Variants in LARGE1 observed in about 807,000 individuals in gnomAD.
The protein encoded by LARGE1 is LARGE xylosyl- and glucuronyltransferase 1.
In LARGE1, 43 loss-of-function variants were observed where a neutral mutation model predicts 87.6. The ratio of observed to expected loss-of-function variants is 0.49; its 90% CI spans 0.38 to 0.63. The LOEUF is 0.63. LARGE1 is among the 30% of genes least tolerant of loss of function. LARGE1 has a pLI of 0.00. For missense variants in LARGE1, 802 were observed against 1,000.2 expected, an observed-to-expected ratio of 0.80 and a Z score of 2.67; for synonymous variants, 434 against 394.6, an observed-to-expected ratio of 1.10 and a Z score of -1.18.
intron 5 of LARGE1, among the ~76,000 whole-genome samples, chr22:33,581,354 T>C (rs1290990155): frequency 6.6e-6 from 1 of 152,208 alleles, no homozygotes; most frequent in African/African-American, 2.4e-5. Context: ...AAAATTCACA[T>C]TTTGATACCT....
the LARGE1 span, among the ~76,000 whole-genome samples, chr22:33,084,448 C>T: frequency 6.6e-6 from 1 of 151,172 alleles, no homozygotes; most frequent in Non-Finnish European, 1.5e-5. Context: ...GGCTTGAGCC[C>T]AGGAGTTTGA....
chr22:33,331,261 T>C (rs925246361), intron 10 of LARGE1, among the ~76,000 whole-genome samples: 7 of 152,172 alleles, frequency 4.6e-5, no homozygotes, highest in African/African-American at 1.4e-4. Flanking sequence ...TCTGAGGTCA[T>C]GTGTCTATTA....
intron 4 of LARGE1, among the ~76,000 whole-genome samples, chr22:33,609,635 T>G (rs538397402): frequency 6.6e-6 from 1 of 152,216 alleles, no homozygotes; most frequent in Admixed American, 6.5e-5. Context: ...AAATCTGGAA[T>G]GGGAAACCCA....
At chr22:33,684,977 G>T (rs2081902886) in intron 2 of LARGE1, among the ~76,000 whole-genome samples, 1 of 152,164 alleles carries the variant, frequency 6.6e-6, no homozygotes, top group Non-Finnish European at 1.5e-5. Flanking sequence ...CAGGTGTATG[G>T]GGGGTGGAGC....
the LARGE1 span, chr22:33,116,428 C>T: frequency 6.6e-6 from 1 of 152,166 alleles, no homozygotes; most frequent in East Asian, 1.9e-4. Context: ...GATCTCGGCT[C>T]ACTGCAAGCT....
chr22:33,837,855 C>T (rs2063154303), intron 1 of LARGE1, among the ~76,000 whole-genome samples: 1 of 152,218 alleles, frequency 6.6e-6, no homozygotes, highest in Non-Finnish European at 1.5e-5. Flanking sequence ...CAAACATTAT[C>T]ATTTTCCACA....
In LARGE1 at chr22:33,283,224, T is replaced by G; in HGVS notation, c.1855A>C (p.Met619Leu). 6.2e-7 allele frequency: 1 copy of G among 1,614,180 alleles called. No homozygotes were observed. The highest frequency in any genetic ancestry group is 8.5e-7 in the Non-Finnish European group (1 of 1,180,026). ...SKAELLSMLD[M>L]GTLFTFRYHV... ...CACCTGAATGTGAAGAGGGTCCCCA[T>G]GTCCAGCATTGACAGCAACTCCGCT... Residue 619 changes from methionine (M) to leucine (L), a missense_variant, in exon 13 of 15, where the codon ATG (methionine) becomes CTG (leucine). Transcript: ENST00000397394.
chr22:33,472,182 C>A (rs897329935), intron 6 of LARGE1, among the ~76,000 whole-genome samples: 1 of 152,152 alleles, frequency 6.6e-6, no homozygotes, highest in African/African-American at 2.4e-5. Context: ...GCTGATTCTC[C>A]TGGTTGGTTT....
At chr22:33,421,519 C>T (rs1313436385) in intron 7 of LARGE1, among the ~76,000 whole-genome samples, 2 of 152,154 alleles carry the variant, frequency 1.3e-5, no homozygotes, top group Non-Finnish European at 2.9e-5. Context: ...CCAGGTTGAC[C>T]AATAAGGCAA....
At chr22:33,660,535 A>G (rs1569350813) in intron 2 of LARGE1, among the ~76,000 whole-genome samples, 1 of 152,236 alleles carries the variant, frequency 6.6e-6, no homozygotes, top group Non-Finnish European at 1.5e-5. Context: ...CCTAAACTTC[A>G]ATCACTTTTA....
At chr22:33,529,766 C>T (rs5998999) in intron 6 of LARGE1, among the ~76,000 whole-genome samples, 90,652 of 151,998 alleles carry the variant, frequency 0.6, 27,251 homozygotes, top group Admixed American at 0.68. Flanking sequence ...AAGGCAAACC[C>T]AAATTTGACA....
intron 6 of LARGE1, among the ~76,000 whole-genome samples, chr22:33,530,037 G>T (rs2072118970): frequency 6.6e-6 from 1 of 152,124 alleles, no homozygotes; most frequent in African/African-American, 2.4e-5. Context: ...GCAGCGATAG[G>T]GTCTAGGGTT....
intron 11 of LARGE1, among the ~76,000 whole-genome samples, chr22:33,227,077 A>T (rs933164849): frequency 2.0e-5 from 3 of 152,232 alleles, no homozygotes; most frequent in Admixed American, 6.5e-5. Flanking sequence ...TTTATTTAAC[A>T]GATCCTTACA....
chr22:33,166,784 T>G (rs1297957992), exon 12 of LARGE1: 1 of 471,560 alleles, frequency 2.1e-6, no homozygotes, highest in East Asian at 6.9e-5. Context: ...TGTTTGGAAC[T>G]GTCGTCTTGC....
chr22:33,908,606 G>A (rs2065528770), intron 1 of LARGE1, among the ~76,000 whole-genome samples: 1 of 152,144 alleles, frequency 6.6e-6, no homozygotes, highest in Admixed American at 6.6e-5. Flanking sequence ...AACAAGCTTT[G>A]TGCGTCCCAA....
chr22:33,799,363 T>A (rs541832558), intron 1 of LARGE1, among the ~76,000 whole-genome samples: 12 of 152,122 alleles, frequency 7.9e-5, no homozygotes, highest in Non-Finnish European at 1.8e-4. Context: ...CCATAATCCA[T>A]GTGGTGGGGA....
At chr22:33,820,953 C>T (rs910549423) in intron 1 of LARGE1, among the ~76,000 whole-genome samples, 1 of 152,152 alleles carries the variant, frequency 6.6e-6, no homozygotes, top group Non-Finnish European at 1.5e-5. Context: ...CACCCTGCAC[C>T]AACACAATAC....
intron 12 of LARGE1, among the ~76,000 whole-genome samples, chr22:33,289,669 T>G (rs909572264): frequency 1.3e-5 from 2 of 152,184 alleles, no homozygotes; most frequent in Non-Finnish European, 2.9e-5. Context: ...ACAGAACTTA[T>G]GAGATCTCGG....
chr22:33,761,450 C>A lies in LARGE1; in HGVS notation c.27G>T (p.Arg9=). 6.2e-7 allele frequency: 1 copy of A among 1,614,024 alleles called. No homozygotes were observed. Among genetic ancestry groups the A allele is most frequent in the Non-Finnish European group, 8.5e-7 (1 of 1,179,992 alleles). The part of the protein sequence containing the change: MLGICRGR[R]KFLAASLSLL... ...GACTCAACGAGGCAGCCAAGAATTT[C>A]CGTCTCCCCCTGCAGATTCCCAGCA... The change falls in exon 2 of 15, where the codon CGG becomes CGT. Residue 9 remains arginine, a synonymous_variant. Transcript: ENST00000397394.
Sources: gnomAD v4.1 joint callset for allele counts (sites outside exome capture counted in the v4.1 genomes callset) on GRCh38, gnomAD v4.1.1 for gene constraint, MANE v1.5 for transcripts, NCBI Gene and HGNC (gene_info 2026-07-23, HGNC 2026-07-21) for gene names.